Variants in PARG observed in about 807,000 individuals in gnomAD.
The protein encoded by PARG is poly(ADP-ribose) glycohydrolase, also known as mitochondrial poly(ADP-ribose) glycohydrolase.
A neutral mutation model predicts 113.0 loss-of-function variants in PARG; 35 were observed. The ratio of observed to expected loss-of-function variants is 0.31; its 90% CI spans 0.24 to 0.41. The LOEUF (loss-of-function observed/expected upper bound fraction) is 0.41, where lower values mean the gene tolerates loss of function less well. PARG is among the 10% of genes least tolerant of loss of function. PARG has a pLI of 1.00. For synonymous variants in PARG, 330 were observed against 409.9 expected, an observed-to-expected ratio of 0.81 and a Z score of 2.36; for missense variants, 797 against 1,169.4, an observed-to-expected ratio of 0.68 and a Z score of 4.64.
chr10:49,821,109 C>T (rs1462955982), intron 16 of PARG, among the ~76,000 whole-genome samples: 3 of 152,116 alleles, frequency 2.0e-5, no homozygotes, highest in Middle Eastern at 3.4e-3. Flanking sequence ...GCAGAACTCC[C>T]GTTCTGCAGA....
chr10:49,828,233 A>G (rs1361062089), intron 16 of PARG, among the ~76,000 whole-genome samples: 1 of 152,048 alleles, frequency 6.6e-6, no homozygotes, highest in East Asian at 1.9e-4. Flanking sequence ...AAGGGTGACA[A>G]GCCCCTCTGA....
intron 7 of PARG, among the ~76,000 whole-genome samples, chr10:49,891,619 ATATATTTTTTT>A (rs1410195111): frequency 9.1e-4 from 42 of 45,926 alleles, no homozygotes; most frequent in African/African-American, 3.2e-3. Context: ...ATATATATAT[ATATATTTTTTT>A]TTTTTTTTTT....
At chr10:49,905,609 CAG>C (rs1462291558) in intron 7 of PARG, among the ~76,000 whole-genome samples, 16 of 152,326 alleles carry the variant, frequency 1.1e-4, no homozygotes, top group African/African-American at 3.8e-4. Context: ...TAAGACTCCT[CAG>C]AGCTATTCCC....
At chr10:49,928,509 A>G (rs1554851284) in intron 4 of PARG, among the ~76,000 whole-genome samples, 1 of 152,126 alleles carries the variant, frequency 6.6e-6, no homozygotes, top group Non-Finnish European at 1.5e-5. Flanking sequence ...CACTAAGTGC[A>G]ATTTCAGATT....
At chr10:49,935,709 G>C (rs1169109384) in intron 1 of PARG, among the ~76,000 whole-genome samples, 3 of 152,084 alleles carry the variant, frequency 2.0e-5, no homozygotes, top group Non-Finnish European at 2.9e-5. Flanking sequence ...AAAAGGTAAG[G>C]CTTGACTTAT....
At chr10:49,842,937 A>G (rs534920229) in intron 14 of PARG, among the ~76,000 whole-genome samples, 1 of 152,348 alleles carries the variant, frequency 6.6e-6, no homozygotes, top group East Asian at 1.9e-4. Context: ...TTCTGCCACA[A>G]TGGTTTTCTC....
At chr10:49,822,076 A>AAT (rs1844119423) in intron 16 of PARG, among the ~76,000 whole-genome samples, 1 of 152,182 alleles carries the variant, frequency 6.6e-6, no homozygotes, top group African/African-American at 2.4e-5. Flanking sequence ...CAAATGAATA[A>AAT]ATGTGTTGAT....
chr10:49,867,079 C>G (rs575497593), intron 10 of PARG: 2 of 152,066 alleles, frequency 1.3e-5, no homozygotes, highest in African/African-American at 2.4e-5. Flanking sequence ...TACCATAGGT[C>G]TAGACTAGAG....
chr10:49,836,741 T>G (rs1844954882), intron 15 of PARG, among the ~76,000 whole-genome samples: 1 of 152,218 alleles, frequency 6.6e-6, no homozygotes. Flanking sequence ...GGTTTTGTTT[T>G]CAGGCTTTGG....
chr10:49,821,517 T>C (rs972678388), intron 16 of PARG, among the ~76,000 whole-genome samples: 3 of 152,082 alleles, frequency 2.0e-5, no homozygotes, highest in Non-Finnish European at 4.4e-5. Context: ...GTAGCTGGGA[T>C]TACAGGAGCC....
At chr10:49,922,283 G>T (rs1331249515) in intron 6 of PARG, 53 bp downstream of exon 6, 2 of 1,547,916 alleles carry the variant, frequency 1.3e-6, no homozygotes, top group East Asian at 2.4e-5. Flanking sequence ...AAAAGTCTTT[G>T]AAAGAGGAGA....
chr10:49,903,140 C>T (rs1468184666), intron 7 of PARG, among the ~76,000 whole-genome samples: 19 of 152,106 alleles, frequency 1.2e-4, no homozygotes, highest in African/African-American at 4.3e-4. Flanking sequence ...AAAAATTTTA[C>T]TTAGGTAGCT....
intron 11 of PARG, among the ~76,000 whole-genome samples, chr10:49,861,888 A>C (rs1240566933): frequency 6.6e-6 from 1 of 151,236 alleles, no homozygotes; most frequent in Non-Finnish European, 1.5e-5. Flanking sequence ...TTGAAACCTG[A>C]TTTTCCTCTA....
chr10:49,880,329 A>G (rs1238830829), intron 8 of PARG, among the ~76,000 whole-genome samples: 1 of 152,182 alleles, frequency 6.6e-6, no homozygotes, highest in Non-Finnish European at 1.5e-5. Flanking sequence ...CAATTTCTTT[A>G]TAAGAATCAA....
chr10:49,854,979 A>G (rs1436911988), intron 13 of PARG, among the ~76,000 whole-genome samples: 3 of 139,182 alleles, frequency 2.2e-5, no homozygotes, highest in African/African-American at 7.7e-5. Flanking sequence ...AGTATGGCCC[A>G]TACTCAAAAA....
At chr10:49,922,459 A>T in intron 5 of PARG, 40 bp from the exon 6 acceptor site, 2 of 1,610,104 alleles carry the variant, frequency 1.2e-6, no homozygotes, top group South Asian at 1.1e-5. Flanking sequence ...AGCTATTCTA[A>T]GTTGTTTTGC....
intron 10 of PARG, among the ~76,000 whole-genome samples, chr10:49,868,366 G>A (rs2813081): frequency 2.0e-5 from 3 of 152,040 alleles, no homozygotes; most frequent in African/African-American, 7.2e-5. Context: ...ATTCTGCATT[G>A]TAATATTTCA....
intron 1 of PARG, among the ~76,000 whole-genome samples, chr10:49,935,590 T>C (rs1284199921): frequency 6.6e-6 from 1 of 152,208 alleles, no homozygotes; most frequent in Non-Finnish European, 1.5e-5. Flanking sequence ...GATTCTTAAT[T>C]ATCATGATTA....
intron 7 of PARG, among the ~76,000 whole-genome samples, chr10:49,892,796 T>C (rs4495813): frequency 0.2 from 29,864 of 152,080 alleles, 3,413 homozygotes; most frequent in Non-Finnish European, 0.27. Context: ...GCAACTAGAG[T>C]TCACGCCAGG....
Sources: allele counts gnomAD v4.1 joint callset (sites outside exome capture counted in the v4.1 genomes callset), GRCh38; gene constraint gnomAD v4.1.1; transcripts MANE v1.5; gene names NCBI Gene and HGNC (gene_info 2026-07-23, HGNC 2026-07-21).